The following SPOCK1 variants were observed in gnomAD, a reference collection of about 807,000 sequenced individuals.
SPOCK1 encodes the protein testican-1.
A neutral mutation model predicts 55.3 loss-of-function variants in SPOCK1; 23 were observed. The observed-to-expected ratio is 0.42, with a 90% CI of 0.30 to 0.59. The LOEUF (loss-of-function observed/expected upper bound fraction) is 0.59, where lower values mean the gene tolerates loss of function less well. SPOCK1 is among the 20% of genes least tolerant of loss of function. SPOCK1 has a pLI of 0.22. For synonymous variants in SPOCK1, 226 were observed against 221.0 expected (o/e 1.02, Z -0.20); for missense variants, 499 against 552.5 (o/e 0.90, Z 0.97).
intron 2 of SPOCK1, among the ~76,000 whole-genome samples, chr5:137,304,883 G>A (rs920722754): frequency 6.6e-6 from 1 of 152,166 alleles, no homozygotes; most frequent in South Asian, 2.1e-4. Context: ...ATGTTCGGCA[G>A]GGGAGAGTGC....
In SPOCK1 at chr5:136,988,477, G is replaced by GA; in HGVS notation, c.872dup (p.Lys292GlnfsTer7). ...CATTGTTAGAAAGCTTGCCATCCTT[G>GA]AAGGAGTCACACGAGTTGAAAAGAG... On this transcript the variant is annotated frameshift_variant, in exon 8 of 11. Transcript: ENST00000394945. LOFTEE classifies it high-confidence loss of function. 1 of 1,614,104 alleles carries GA rather than the reference G, an allele frequency of 6.2e-7. No homozygotes were observed. Among genetic ancestry groups the GA allele is most frequent in the Non-Finnish European group, 8.5e-7 (1 of 1,179,984 alleles).
intron 2 of SPOCK1, among the ~76,000 whole-genome samples, chr5:137,356,764 C>T (rs1750809489): frequency 7.4e-6 from 1 of 134,576 alleles, no homozygotes; most frequent in Admixed American, 7.9e-5. Context: ...GCACTCCATT[C>T]TGGGCAATAG....
chr5:137,280,746 A>AG (rs1757153891), intron 2 of SPOCK1, among the ~76,000 whole-genome samples: 1 of 152,226 alleles, frequency 6.6e-6, no homozygotes, highest in South Asian at 2.1e-4. Context: ...CGAAGACTCT[A>AG]GGGGAAAGTT....
intron 3 of SPOCK1, among the ~76,000 whole-genome samples, chr5:137,238,351 G>T (rs1756221065): frequency 6.6e-6 from 1 of 152,140 alleles, no homozygotes; most frequent in African/African-American, 2.4e-5. Flanking sequence ...GAAACCACTT[G>T]TTCCTTTATG....
At chr5:137,399,609 C>T (rs549745222) in intron 2 of SPOCK1, among the ~76,000 whole-genome samples, 21 of 152,188 alleles carry the variant, frequency 1.4e-4, no homozygotes, top group African/African-American at 5.1e-4. Flanking sequence ...AGCTCCCAGC[C>T]AAGAGATATG....
intron 5 of SPOCK1, among the ~76,000 whole-genome samples, chr5:137,099,905 C>A (rs1753228356): frequency 6.6e-6 from 1 of 152,146 alleles, no homozygotes; most frequent in Non-Finnish European, 1.5e-5. Flanking sequence ...TACCTCCCCA[C>A]CCCCCGGAGT....
intron 2 of SPOCK1, among the ~76,000 whole-genome samples, chr5:137,410,890 A>G (rs2127188887): frequency 6.6e-6 from 1 of 152,344 alleles, no homozygotes; most frequent in South Asian, 2.1e-4. Context: ...CAGAAAAGGC[A>G]GAAATACCAC....
intron 2 of SPOCK1, among the ~76,000 whole-genome samples, chr5:137,473,650 T>G (rs930075875): frequency 2.0e-5 from 3 of 152,206 alleles, no homozygotes; most frequent in African/African-American, 7.2e-5. Flanking sequence ...TAAGAAAACC[T>G]AATCGTATAT....
At chr5:137,034,081 G>C (rs1751833759) in intron 6 of SPOCK1, among the ~76,000 whole-genome samples, 1 of 152,198 alleles carries the variant, frequency 6.6e-6, no homozygotes, top group African/African-American at 2.4e-5. Flanking sequence ...CACTCAGGAA[G>C]TCCCTGTCAA....
At chr5:137,278,002 G>A (rs1293301199) in intron 2 of SPOCK1, among the ~76,000 whole-genome samples, 2 of 152,190 alleles carry the variant, frequency 1.3e-5, no homozygotes, top group African/African-American at 4.8e-5. Flanking sequence ...CAAGCACCAT[G>A]CTGAGGATGT....
intron 5 of SPOCK1, among the ~76,000 whole-genome samples, chr5:137,090,328 G>C (rs1753030808): frequency 1.3e-5 from 2 of 152,056 alleles, no homozygotes; most frequent in African/African-American, 2.4e-5. Context: ...ACACATCTGT[G>C]AATACCAGAA....
chr5:137,183,853 G>A (rs1248417603), intron 3 of SPOCK1, among the ~76,000 whole-genome samples: 2 of 152,212 alleles, frequency 1.3e-5, no homozygotes, highest in Non-Finnish European at 2.9e-5. Context: ...TAAAATTCCA[G>A]CTCCATTCTT....
intron 2 of SPOCK1, among the ~76,000 whole-genome samples, chr5:137,398,575 G>A (rs556195346): frequency 6.6e-6 from 1 of 152,280 alleles, no homozygotes; most frequent in East Asian, 1.9e-4. Flanking sequence ...CTCTCAGGAA[G>A]AGAGAAACAA....
chr5:137,039,293 T>G (rs61576640), intron 6 of SPOCK1, among the ~76,000 whole-genome samples: 16,378 of 142,522 alleles, frequency 0.11, 2,056 homozygotes, highest in African/African-American at 0.28. Context: ...TTTTTTTTTT[T>G]TTTTTGTTGT....
chr5:137,169,608 CTG>C (rs1754710286), intron 3 of SPOCK1, among the ~76,000 whole-genome samples: 1 of 152,196 alleles, frequency 6.6e-6, no homozygotes, highest in Non-Finnish European at 1.5e-5. Flanking sequence ...AGTTAATTAA[CTG>C]TGCCAAATCA....
intron 2 of SPOCK1, among the ~76,000 whole-genome samples, chr5:137,425,389 C>T (rs1165777155): frequency 2.0e-5 from 3 of 152,162 alleles, no homozygotes; most frequent in Admixed American, 6.5e-5. Context: ...ATCTGTGTCA[C>T]GTCAAACATC....
chr5:137,357,403 T>C (rs1001699801), intron 2 of SPOCK1, among the ~76,000 whole-genome samples: 2 of 152,170 alleles, frequency 1.3e-5, no homozygotes, highest in East Asian at 1.9e-4. Flanking sequence ...ATGCACACTT[T>C]GTTCTAGGCA....
At chr5:137,042,686 T>C (rs985585334) in intron 6 of SPOCK1, among the ~76,000 whole-genome samples, 3 of 152,108 alleles carry the variant, frequency 2.0e-5, no homozygotes, top group Non-Finnish European at 4.4e-5. Context: ...AGTAAATGGA[T>C]AGTGGATGGT....
At chr5:137,476,677 C>A (rs932214214) in intron 2 of SPOCK1, among the ~76,000 whole-genome samples, 1 of 152,148 alleles carries the variant, frequency 6.6e-6, no homozygotes, top group East Asian at 1.9e-4. Flanking sequence ...GTAATGCCAG[C>A]GCTTTGGCAG....
Sources: allele counts gnomAD v4.1 joint callset (sites outside exome capture counted in the v4.1 genomes callset), GRCh38; gene constraint gnomAD v4.1.1; transcripts MANE v1.5; gene names NCBI Gene and HGNC (gene_info 2026-07-23, HGNC 2026-07-21).